The following RELN variants were observed in gnomAD, a reference collection of about 807,000 sequenced individuals.
The protein encoded by RELN is reelin.
Under a neutral mutation model 427.6 loss-of-function variants are expected in RELN, and 108 were observed. The ratio of observed to expected loss-of-function variants is 0.25; its 90% CI spans 0.22 to 0.30. The LOEUF is 0.30. RELN is among the 10% of genes least tolerant of loss of function. The pLI, the probability that RELN is intolerant of heterozygous loss-of-function variation, is 1.00. For missense variants in RELN, 3,715 were observed against 4,302.8 expected, an observed-to-expected ratio of 0.86 and a Z score of 3.82; for synonymous variants, 1,524 against 1,513.4, an observed-to-expected ratio of 1.01 and a Z score of -0.16.
At chr7:103,633,032 C>T (rs1441811388) in intron 19 of RELN, among the ~76,000 whole-genome samples, 1 of 152,034 alleles carries the variant, frequency 6.6e-6, no homozygotes, top group Admixed American at 6.5e-5. Flanking sequence ...GTTCACAAGA[C>T]ATTCTAGTCA....
At chr7:103,706,143 TCTAA>T (rs1834194625) in intron 8 of RELN, among the ~76,000 whole-genome samples, 3 of 151,848 alleles carry the variant, frequency 2.0e-5, no homozygotes, top group Admixed American at 2.0e-4. Flanking sequence ...AAAACCAAGA[TCTAA>T]CTGAGTAGCC....
chr7:103,629,857 T>C, intron 20 of RELN, 83 bp downstream of exon 20: 1 of 922,082 alleles, frequency 1.1e-6, no homozygotes, highest in South Asian at 1.3e-5. Flanking sequence ...AACAAATGAC[T>C]AAATGCTGAA....
rs1386205628 is a variant in RELN, at chr7:103,989,351, C to A, written c.6G>T (p.Glu2Asp). Reference protein sequence around the residue: MERSGWARQTFL... With the variant: MDRSGWARQTFL... ...AAGTCTGCCGGGCCCAGCCACTGCG[C>A]TCCATGCCGCCGCCGCCGCCGCCGC... is the stretch of plus-strand genomic sequence containing the variant. The change falls in exon 1 of 65, where the codon GAG becomes GAT. Residue 2 changes from glutamate (E) to aspartate (D), a missense_variant. Around this residue, in one of 4 missense-constraint regions of RELN, gnomAD observed 2,208 missense variants for 2,361.7 expected, o/e 0.93. Transcript: ENST00000428762. This position sits in a 1 kb window ranked among gnomAD's most constrained non-coding sequence, Gnocchi z 4.9. The A allele has an allele frequency of 1.4e-5, 20 of 1,382,978 alleles. No homozygotes were observed. Among genetic ancestry groups the A allele is most frequent in the Middle Eastern group, 2.1e-4 (1 of 4,694 alleles). The allele number at this position is 1,382,978 out of a possible 1,614,324, so 85.7% of individuals were successfully genotyped here.
chr7:103,553,358 T>C, intron 40 of RELN, 103 bp downstream of exon 40: 1 of 837,194 alleles, frequency 1.2e-6, no homozygotes, highest in Non-Finnish European at 2.0e-6. Context: ...TGCACAAAAA[T>C]GGGAGGTCAT....
chr7:103,986,586 T>C (rs891379727), intron 1 of RELN, among the ~76,000 whole-genome samples: 2 of 142,268 alleles, frequency 1.4e-5, no homozygotes, highest in African/African-American at 5.3e-5. Context: ...CTATGTTAGG[T>C]GCTATTGTGC....
At chr7:103,497,536 ATTTC>A (rs1271359732) in intron 55 of RELN, among the ~76,000 whole-genome samples, 2 of 152,308 alleles carry the variant, frequency 1.3e-5, no homozygotes, top group East Asian at 1.9e-4. Flanking sequence ...TACAAAATGT[ATTTC>A]TTAATTGTAT....
chr7:103,734,119 G>A (rs1288328348), intron 6 of RELN, among the ~76,000 whole-genome samples: 3 of 152,222 alleles, frequency 2.0e-5, no homozygotes, highest in Non-Finnish European at 4.4e-5. Flanking sequence ...GTTTATTGCC[G>A]ACGTATAAAT....
chr7:103,702,379 TAACCACTTAAAAGC>T (rs1420168961), intron 8 of RELN, among the ~76,000 whole-genome samples: 3 of 152,140 alleles, frequency 2.0e-5, no homozygotes, highest in Non-Finnish European at 2.9e-5. Flanking sequence ...TTACACACCA[TAACCACTTAAAAGC>T]AAATGTATAA....
At chr7:103,930,868 A>ATGTGTGTGTGTG (rs60265174) in intron 1 of RELN, among the ~76,000 whole-genome samples, 127 of 142,002 alleles carry the variant, frequency 8.9e-4, no homozygotes, top group East Asian at 4.4e-3. Context: ...GTGTGAGCAT[A>ATGTGTGTGTGTG]TGTGTGTGTG....
intron 4 of RELN, among the ~76,000 whole-genome samples, chr7:103,760,882 A>T (rs1484059582): frequency 7.5e-6 from 1 of 133,040 alleles, no homozygotes; most frequent in East Asian, 2.1e-4. Flanking sequence ...CTAGACTTTC[A>T]TCTCCCCAGG....
intron 27 of RELN, among the ~76,000 whole-genome samples, chr7:103,591,307 T>C (rs963489650): frequency 1.3e-5 from 2 of 152,120 alleles, no homozygotes; most frequent in African/African-American, 4.8e-5. Context: ...AAGAACATGA[T>C]ACGACAAAAA....
chr7:103,899,017 A>G (rs1163311234), intron 2 of RELN, among the ~76,000 whole-genome samples: 1 of 151,998 alleles, frequency 6.6e-6, no homozygotes, highest in Non-Finnish European at 1.5e-5. Flanking sequence ...CCCATACAAA[A>G]CTAGTTCTAA....
chr7:103,531,284 C>T (rs1035996171), intron 46 of RELN, among the ~76,000 whole-genome samples: 8 of 152,178 alleles, frequency 5.3e-5, no homozygotes, highest in African/African-American at 1.9e-4. Flanking sequence ...CAGAGCCCTC[C>T]ACTCTACTAC....
chr7:103,772,287 T>A (rs1484348496), intron 4 of RELN, among the ~76,000 whole-genome samples: 5 of 151,684 alleles, frequency 3.3e-5, no homozygotes, highest in Admixed American at 6.6e-5. Flanking sequence ...GATGTTCTTA[T>A]GACAACATGC....
At chr7:103,675,910 T>C (rs541829702) in intron 11 of RELN, among the ~76,000 whole-genome samples, 2,861 of 152,196 alleles carry the variant, frequency 0.019, 107 homozygotes, top group African/African-American at 0.066. Flanking sequence ...AAGACTTACA[T>C]GTTAGACCTA....
intron 1 of RELN, among the ~76,000 whole-genome samples, chr7:103,986,773 G>A (rs569953565): frequency 8.6e-4 from 131 of 152,064 alleles, no homozygotes; most frequent in African/African-American, 3.1e-3. Flanking sequence ...CAGAAGGTTA[G>A]AAATAAAGTC....
At chr7:103,964,246 T>A (rs1010481119) in intron 1 of RELN, among the ~76,000 whole-genome samples, 5 of 152,204 alleles carry the variant, frequency 3.3e-5, no homozygotes, top group Non-Finnish European at 5.9e-5. Context: ...CTTATTATGT[T>A]ACTCAAAAGA....
In RELN at chr7:103,545,245, C is replaced by G; in HGVS notation, c.6402G>C (p.Glu2134Asp). The change falls in exon 42 of 65, where the codon GAG becomes GAC. Residue 2134 changes from glutamate (E) to aspartate (D), a missense_variant. Physicochemically the swap from Glu to Asp is conservative, Grantham distance 45. Transcript: ENST00000428762. ...TACAGCTCCCCTGTCCATTACACAT[C>G]TCCTCACACTGGGGACCGATGTAGA... ...DNVYIGPQCE[E>D]MCNGQGSCIN... is the part of the protein sequence containing the mutation. The G allele has an allele frequency of 6.2e-7, 1 of 1,613,968 alleles. No individual in the cohort carries two copies. Among genetic ancestry groups the G allele is most frequent in the Non-Finnish European group, 8.5e-7 (1 of 1,179,848 alleles).
At chr7:103,565,012 T>C (rs1364300871) in intron 34 of RELN, among the ~76,000 whole-genome samples, 1 of 152,202 alleles carries the variant, frequency 6.6e-6, no homozygotes, top group Non-Finnish European at 1.5e-5. Flanking sequence ...AGAGACTTAT[T>C]TTTACAACAG....
Sources: gnomAD v4.1 joint callset for allele counts (sites outside exome capture counted in the v4.1 genomes callset) on GRCh38, gnomAD v4.1.1 for gene constraint, gnomAD v4.1.1 regional missense constraint, Gnocchi (gnomAD v3.1) non-coding constraint, MANE v1.5 for transcripts, NCBI Gene and HGNC (gene_info 2026-07-23, HGNC 2026-07-21) for gene names.